LIPN: variants seen among roughly 807,000 people sequenced by gnomAD.
The protein encoded by LIPN is lipase member N.
In LIPN, 32 loss-of-function variants were observed where a neutral mutation model predicts 43.7. The observed-to-expected ratio is 0.73, with a 90% CI of 0.55 to 0.98. The LOEUF (loss-of-function observed/expected upper bound fraction) is 0.98, where lower values mean the gene tolerates loss of function less well. Among genes scored for constraint, LIPN ranks in the 50% least tolerant of loss-of-function variants. LIPN has a pLI of 0.00. For missense variants in LIPN, 505 were observed against 483.8 expected (o/e 1.04, Z -0.41); for synonymous variants, 156 against 157.6 (o/e 0.99, Z 0.08).
At chr10:88,762,962 A>G (rs1214340220) in intron 3 of LIPN, among the ~76,000 whole-genome samples, 2 of 152,202 alleles carry the variant, frequency 1.3e-5, no homozygotes, top group East Asian at 3.9e-4. Flanking sequence ...CCTCTGAAGT[A>G]GAAATGATAA....
chr10:88,758,749 A>C (rs17112521), upstream of LIPN, among the ~76,000 whole-genome samples: 2,796 of 152,120 alleles, frequency 0.018, 87 homozygotes, highest in African/African-American at 0.064. Context: ...GGAATTGTCC[A>C]GATTATTCAA....
At chr10:88,766,620 A>C (rs1334765116) in intron 5 of LIPN, among the ~76,000 whole-genome samples, 1 of 151,908 alleles carries the variant, frequency 6.6e-6, no homozygotes, top group African/African-American at 2.4e-5. Flanking sequence ...ACGGTGATGC[A>C]ACTTCCCAGG....
chr10:88,762,403 T>C (rs944319766), intron 3 of LIPN, 98 bp downstream of exon 3: 1 of 751,116 alleles, frequency 1.3e-6, no homozygotes, highest in Non-Finnish European at 2.3e-6. Flanking sequence ...TTTATCAAAA[T>C]TGGTTTGAAT....
At chr10:88,774,027 A>G (rs529732755) in intron 7 of LIPN, among the ~76,000 whole-genome samples, 1 of 152,124 alleles carries the variant, frequency 6.6e-6, no homozygotes, top group African/African-American at 2.4e-5. Flanking sequence ...AAACACAGAA[A>G]CTCAAAGATG....
chr10:88,776,044 G>T (rs539558243), intron 9 of LIPN, among the ~76,000 whole-genome samples: 2 of 152,008 alleles, frequency 1.3e-5, no homozygotes, highest in African/African-American at 2.4e-5. Flanking sequence ...TTACATACAA[G>T]AACATTACTA....
Position 88,775,122 on chromosome 10 carries a change from G to A in LIPN, c.922G>A (p.Asp308Asn). The stretch of plus-strand genomic sequence containing the variant: ...CCACTCTGATGAATTCAGAGCTTAT[G>A]ACTGGGGAAATGACGCTGATAATAT... The part of the protein sequence containing the change: ...LYHSDEFRAY[D>N]WGNDADNMKH... Residue 308 changes from aspartate to asparagine, a missense_variant, in exon 9 of 10, where the codon GAC becomes AAC. Coordinates refer to ENST00000404459, the MANE Select transcript of LIPN (RefSeq NM_001102469.2). The A allele has an allele frequency of 6.5e-7, 1 of 1,546,676 alleles. No homozygotes were observed. The highest frequency in any genetic ancestry group is 8.7e-7 in the Non-Finnish European group (1 of 1,143,750).
At chr10:88,770,094 C>A (rs1241358633) in intron 6 of LIPN, among the ~76,000 whole-genome samples, 3 of 151,796 alleles carry the variant, frequency 2.0e-5, no homozygotes, top group Non-Finnish European at 4.4e-5. Context: ...TGTCAATATT[C>A]CTGCTACTTT....
chr10:88,775,152 C>A lies in LIPN; in HGVS notation c.952C>A (p.His318Asn). 1 of 1,542,112 alleles carries A rather than the reference C, an allele frequency of 6.5e-7. No individual in the cohort carries two copies. The highest frequency in any genetic ancestry group is 8.8e-7 in the Non-Finnish European group (1 of 1,139,974). Residue 318 changes from histidine to asparagine, a missense_variant, in exon 9 of 10, where the codon CAT becomes AAT. Physicochemically the swap from His to Asn is moderately conservative, Grantham distance 68. Coordinates refer to ENST00000404459, the MANE Select transcript of LIPN (RefSeq NM_001102469.2). The stretch of plus-strand genomic sequence containing the variant: ...GGGAAATGACGCTGATAATATGAAA[C>A]ATTACAATCAGGTGAGCTATTTACA... ...DWGNDADNMK[H>N]YNQSHPPIYD...
At chr10:88,765,207 A>G (rs954941357) in intron 4 of LIPN, among the ~76,000 whole-genome samples, 4 of 151,862 alleles carry the variant, frequency 2.6e-5, no homozygotes, top group African/African-American at 7.3e-5. Context: ...ATCTTTTTTG[A>G]TATCTTGTTT....
At chr10:88,771,357 G>T (rs1473817398) in intron 7 of LIPN, among the ~76,000 whole-genome samples, 1 of 151,590 alleles carries the variant, frequency 6.6e-6, no homozygotes, top group Non-Finnish European at 1.5e-5. Flanking sequence ...CCAGACTTTA[G>T]TCCTTCTAAC....
intron 5 of LIPN, among the ~76,000 whole-genome samples, chr10:88,767,902 C>T (rs1021685163): frequency 6.6e-6 from 1 of 151,644 alleles, no homozygotes. Context: ...TCCAAACACC[C>T]TCTGGGGAAG....
At chr10:88,762,979 C>A (rs890452383) in intron 3 of LIPN, among the ~76,000 whole-genome samples, 2 of 151,956 alleles carry the variant, frequency 1.3e-5, no homozygotes, top group South Asian at 4.1e-4. Flanking sequence ...ATAAGAATAA[C>A]CAAAATATCT....
At chr10:88,765,499 T>G (rs1479022239) in intron 4 of LIPN, among the ~76,000 whole-genome samples, 1 of 151,988 alleles carries the variant, frequency 6.6e-6, no homozygotes, top group Admixed American at 6.6e-5. Context: ...CTCCTATTCT[T>G]GTAAGTCCCA....
intron 7 of LIPN, among the ~76,000 whole-genome samples, chr10:88,773,172 T>C (rs921452284): frequency 1.3e-5 from 2 of 151,598 alleles, no homozygotes; most frequent in Admixed American, 1.3e-4. Context: ...AGTGGAACCA[T>C]GAAGGTAGAT....
At chr10:88,774,568 C>A in intron 8 of LIPN, 24 bp downstream of exon 8, 1 of 1,553,430 alleles carries the variant, frequency 6.4e-7, no homozygotes, top group South Asian at 1.1e-5. Context: ...CATGGAAAAC[C>A]ATTCCAATCC....
intron 3 of LIPN, among the ~76,000 whole-genome samples, chr10:88,764,029 G>T (rs966195125): frequency 1.3e-5 from 2 of 151,950 alleles, no homozygotes; most frequent in African/African-American, 4.8e-5. Flanking sequence ...TTGAGTCCCT[G>T]CTCTGGCCTT....
At chr10:88,763,663 A>T (rs1843040139) in intron 3 of LIPN, among the ~76,000 whole-genome samples, 1 of 152,058 alleles carries the variant, frequency 6.6e-6, no homozygotes, top group African/African-American at 2.4e-5. Flanking sequence ...CTGTGCTCTT[A>T]GTCATTAAAT....
intron 9 of LIPN, among the ~76,000 whole-genome samples, chr10:88,775,424 A>G (rs74147281): frequency 1.2e-3 from 181 of 151,958 alleles, no homozygotes; most frequent in African/African-American, 4.3e-3. Context: ...ATTTATTCCA[A>G]TTTTCTCAGT....
intron 9 of LIPN, among the ~76,000 whole-genome samples, chr10:88,777,390 CT>C (rs1474296497): frequency 6.6e-6 from 1 of 151,952 alleles, no homozygotes; most frequent in African/African-American, 2.4e-5. Context: ...ATTTCTATGG[CT>C]TATCTAGATT....
Sources: gnomAD v4.1 joint callset for allele counts (sites outside exome capture counted in the v4.1 genomes callset) on GRCh38, gnomAD v4.1.1 for gene constraint, MANE v1.5 for transcripts, NCBI Gene and HGNC (gene_info 2026-07-23, HGNC 2026-07-21) for gene names.